The following TSPAN16 variants were observed in gnomAD, a reference collection of about 807,000 sequenced individuals.
The protein encoded by TSPAN16 is tetraspanin 16, also known as tetraspanin-16.
In TSPAN16, 23 loss-of-function variants were observed where a neutral mutation model predicts 25.2. The observed-to-expected ratio is 0.91, with a 90% CI of 0.66 to 1.29. TSPAN16 has a LOEUF of 1.29. Among genes scored for constraint, TSPAN16 ranks in the 50% most tolerant of loss-of-function variants. TSPAN16 has a pLI of 0.00. For synonymous variants in TSPAN16, 123 were observed against 124.4 expected, an observed-to-expected ratio of 0.99 and a Z score of 0.08; for missense variants, 272 against 299.9, an observed-to-expected ratio of 0.91 and a Z score of 0.69.
At chr19:11,316,802 C>A (rs1159905015), downstream of TSPAN16, among the ~76,000 whole-genome samples, 1 of 142,414 alleles carries the variant, frequency 7.0e-6, no homozygotes, top group Non-Finnish European at 1.5e-5. Flanking sequence ...ATAGCAAGAC[C>A]CCCCCCGCCT....
chr19:11,318,572 G>T (rs889503261), downstream of TSPAN16, among the ~76,000 whole-genome samples: 1 of 152,134 alleles, frequency 6.6e-6, no homozygotes, highest in Non-Finnish European at 1.5e-5. Context: ...GAACTCAGGG[G>T]TTCATTCAAT....
At chr19:11,325,848 A>C (rs944352371) in intron 6 of TSPAN16, among the ~76,000 whole-genome samples, 5 of 152,158 alleles carry the variant, frequency 3.3e-5, no homozygotes, top group African/African-American at 1.2e-4. Flanking sequence ...CTACGGCGGG[A>C]GGATCGCTTG....
intron 6 of TSPAN16, chr19:11,322,171 G>A (rs750936496): frequency 1.3e-5 from 2 of 152,174 alleles, no homozygotes; most frequent in Non-Finnish European, 2.9e-5. Flanking sequence ...AGGATAGAAA[G>A]GACCAGCCAG....
intron 4 of TSPAN16, among the ~76,000 whole-genome samples, chr19:11,305,922 G>T (rs1404884210): frequency 6.6e-6 from 1 of 152,114 alleles, no homozygotes; most frequent in African/African-American, 2.4e-5. Context: ...GGAGAGATGG[G>T]CAAGAAACCA....
intron 6 of TSPAN16, chr19:11,326,747 G>A: frequency 2.9e-6 from 2 of 695,456 alleles, no homozygotes; most frequent in Non-Finnish European, 5.2e-6. Context: ...GGGGCTACAG[G>A]TGTGCCCCAC....
downstream of TSPAN16, among the ~76,000 whole-genome samples, chr19:11,316,382 T>A (rs1460619819): frequency 6.6e-6 from 1 of 151,906 alleles, no homozygotes; most frequent in African/African-American, 2.4e-5. Flanking sequence ...GGCCTCCCAA[T>A]GTGTTGGGAT....
downstream of TSPAN16, among the ~76,000 whole-genome samples, chr19:11,318,037 A>G (rs368223525): frequency 6.6e-6 from 1 of 150,956 alleles, no homozygotes. Flanking sequence ...TATTATTATT[A>G]TTTTTTTGAG....
chr19:11,311,642 T>C (rs2080693284), intron 5 of TSPAN16, among the ~76,000 whole-genome samples: 1 of 152,048 alleles, frequency 6.6e-6, no homozygotes, highest in Non-Finnish European at 1.5e-5. Flanking sequence ...AGACTGGTCT[T>C]GAACTCCCGG....
chr19:11,296,354 T>C lies in TSPAN16; in HGVS notation c.57T>C (p.Asn19=), dbSNP rs1233146848. 6.2e-7 allele frequency: 1 copy of C among 1,614,202 alleles called. No individual in the cohort carries two copies. The highest frequency in any genetic ancestry group is 1.1e-5 in the South Asian group (1 of 91,088). ...TGAAGAAACTGTTATCTTTACTCAA[T>C]GGCTTCGTGGCTGTAAGTATGTCAC... ...SSLKKLLSLL[N]GFVAVSGIIL... is the part of the protein sequence containing the mutation. The change falls in exon 1 of 7, where the codon AAT becomes AAC. Residue 19 remains asparagine (N), a synonymous_variant. Transcript: ENST00000590327.
At chr19:11,315,581 TA>T (rs901695085) in intron 6 of TSPAN16, among the ~76,000 whole-genome samples, 40 of 150,706 alleles carry the variant, frequency 2.7e-4, no homozygotes, top group Middle Eastern at 3.5e-3. Flanking sequence ...AATAAATAAA[TA>T]AAATAATAAT....
chr19:11,298,965 C>A lies in TSPAN16; in HGVS notation c.342+19C>A, dbSNP rs755402432. 1.1e-5 allele frequency: 18 copies of A among 1,611,030 alleles called. No individual in the cohort carries two copies. In the South Asian group the frequency reaches 2.0e-4, roughly 18 times the overall value. On this transcript the variant is annotated intron_variant, in intron 3 of 6. Transcript: ENST00000590327. The stretch of plus-strand genomic sequence containing the variant: ...TCCAATTGTAAGTACAGCCCTGCTC[C>A]TCCCACATAGCATTAGAAAGATAAA...
downstream of TSPAN16, among the ~76,000 whole-genome samples, chr19:11,319,966 C>T (rs1466050992): frequency 6.6e-6 from 1 of 152,044 alleles, no homozygotes; most frequent in Non-Finnish European, 1.5e-5. Flanking sequence ...AGGCGCCCGC[C>T]ACCACGCCCG....
chr19:11,302,642 C>T (rs184579888), intron 4 of TSPAN16, among the ~76,000 whole-genome samples: 48 of 130,544 alleles, frequency 3.7e-4, no homozygotes, highest in African/African-American at 1.5e-3. Context: ...TACACACATA[C>T]ATATATATAT....
chr19:11,315,428 C>G (rs371007560), intron 6 of TSPAN16, among the ~76,000 whole-genome samples: 8 of 146,146 alleles, frequency 5.5e-5, no homozygotes, highest in Non-Finnish European at 1.1e-4. Context: ...GTGGTGGCGG[C>G]CGCCTGTAGT....
At chr19:11,315,300 G>A (rs2147957193) in intron 6 of TSPAN16, among the ~76,000 whole-genome samples, 1 of 149,440 alleles carries the variant, frequency 6.7e-6, no homozygotes, top group East Asian at 2.0e-4. Context: ...GCTCACGCCT[G>A]TAATCCCAGC....
At position 11,296,217 on chromosome 19, in the gene TSPAN16, C is replaced by A; in HGVS notation, c.-81C>A. ...CAGCATTGGCGCCCCTTCCTCAGATCCCTATCATCTTGGGAAACAGTAGCC... is the reference window on the plus strand; with the variant it reads ...CAGCATTGGCGCCCCTTCCTCAGATACCTATCATCTTGGGAAACAGTAGCC... On this transcript the variant is annotated 5_prime_UTR_variant, in exon 1 of 7. Transcript: ENST00000590327. 6.9e-7 allele frequency: 1 copy of A among 1,448,722 alleles called. No individual in the cohort carries two copies. The highest frequency in any genetic ancestry group is 9.6e-7 in the Non-Finnish European group (1 of 1,038,138). 89.7% of individuals were successfully genotyped at this position (1,448,722 alleles called of 1,614,324 possible). A position where few individuals can be genotyped will look rare whatever the true frequency, so the allele number is the denominator to read the frequency against.
At chr19:11,299,017 C>A in intron 3 of TSPAN16, 71 bp downstream of exon 3, 1 of 1,469,432 alleles carries the variant, frequency 6.8e-7, no homozygotes. Flanking sequence ...CAGTGGCTCA[C>A]GCCTCTAATC....
rs2080743352 is a variant in TSPAN16 at position 11,315,776 on chromosome 19, C to T, written c.688-15C>T. 8 of 1,231,634 alleles carry T rather than the reference C, an allele frequency of 6.5e-6. No individual in the cohort carries two copies. The highest frequency in any genetic ancestry group is 8.1e-6 in the Non-Finnish European group (8 of 987,738). The allele number at this position is 1,231,634 out of a possible 1,614,324, so 76.3% of individuals were successfully genotyped here. On this transcript the variant is annotated splice_polypyrimidine_tract_variant and intron_variant, in intron 6 of 6. Transcript: ENST00000590327. ...TCTAGCATTGGATCCATGTTTCTTT[C>T]TTCACGCATTTCAGTTGCCAGGAAT...
chr19:11,320,976 C>T lies in TSPAN16; in HGVS notation c.688-5818C>T, dbSNP rs549433786. On this transcript the variant is annotated intron_variant, in intron 6 of 6. Coordinates refer to the TSPAN16 transcript ENST00000316737. The stretch of plus-strand genomic sequence containing the variant: ...ATGAGGTCAGGCGTTCGAGACCAGC[C>T]TGGCCAACGTGGTGAAACCCCGTCT... Among the ~76,000 whole-genome samples, 274 of 152,150 alleles carry T rather than the reference C, an allele frequency of 1.8e-3. 1 individual carries two copies. Among genetic ancestry groups the T allele is most frequent in the African/African-American group, 6.0e-3 (249 of 41,532 alleles).
Sources: gnomAD v4.1 joint callset for allele counts (sites outside exome capture counted in the v4.1 genomes callset) on GRCh38, gnomAD v4.1.1 for gene constraint, MANE v1.5 for transcripts, NCBI Gene and HGNC (gene_info 2026-07-23, HGNC 2026-07-21) for gene names.